PDZD2: variants seen among roughly 807,000 people sequenced by gnomAD.
PDZD2 encodes PDZ domain containing 2.
A neutral mutation model predicts 220.7 loss-of-function variants in PDZD2; 90 were observed. The ratio of observed to expected loss-of-function variants is 0.41; its 90% CI spans 0.34 to 0.49. The LOEUF is 0.49. PDZD2 is among the 20% of genes least tolerant of loss of function. The probability of loss-of-function intolerance (pLI) is 0.28; values close to 1 mark genes in which losing one functional copy is unlikely to be tolerated. For missense variants in PDZD2, 3,174 were observed against 3,608.5 expected, an observed-to-expected ratio of 0.88 and a Z score of 3.08; for synonymous variants, 1,375 against 1,450.5, an observed-to-expected ratio of 0.95 and a Z score of 1.18.
At chr5:31,765,901 G>A (rs906460823) in intron 1 of PDZD2, among the ~76,000 whole-genome samples, 11 of 152,192 alleles carry the variant, frequency 7.2e-5, no homozygotes, top group African/African-American at 2.2e-4. Context: ...ACCAGGCGTG[G>A]TGGCTCATGC....
chr5:32,027,539 C>T (rs1754766082), intron 6 of PDZD2, among the ~76,000 whole-genome samples: 1 of 152,152 alleles, frequency 6.6e-6, no homozygotes, highest in East Asian at 1.9e-4. Flanking sequence ...GCATCAGTTG[C>T]GGCTCCCCCC....
chr5:31,687,316 T>TA (rs1746913508), intron 1 of PDZD2, among the ~76,000 whole-genome samples: 1 of 152,180 alleles, frequency 6.6e-6, no homozygotes, highest in Non-Finnish European at 1.5e-5. Context: ...TATCTATTTT[T>TA]AAAAAATAAA....
chr5:31,784,388 T>A (rs79010275), intron 1 of PDZD2, among the ~76,000 whole-genome samples: 5,207 of 152,252 alleles, frequency 0.034, 280 homozygotes, highest in African/African-American at 0.12. Context: ...GGATAGCCAG[T>A]CTCCAAGTTT....
At chr5:31,827,348 G>T (rs114489823) in intron 2 of PDZD2, among the ~76,000 whole-genome samples, 67 of 152,278 alleles carry the variant, frequency 4.4e-4, no homozygotes, top group Non-Finnish European at 8.5e-4. Flanking sequence ...GCGTAATTGT[G>T]ATTAATAACG....
At chr5:32,040,350 T>C (rs62361267) in intron 7 of PDZD2, among the ~76,000 whole-genome samples, 1 of 143,992 alleles carries the variant, frequency 6.9e-6, no homozygotes, top group African/African-American at 2.6e-5. Flanking sequence ...GAGGAGCCCC[T>C]CTGCCTGGCC....
At chr5:31,776,284 G>T (rs938090370) in intron 1 of PDZD2, among the ~76,000 whole-genome samples, 1 of 151,820 alleles carries the variant, frequency 6.6e-6, no homozygotes, top group Non-Finnish European at 1.5e-5. Context: ...CAAGATGCCA[G>T]CCCCTTCCCC....
chr5:31,878,623 G>C (rs1209449528), intron 2 of PDZD2, among the ~76,000 whole-genome samples: 1 of 134,936 alleles, frequency 7.4e-6, no homozygotes, highest in African/African-American at 2.7e-5. Flanking sequence ...GCAGTGGCGC[G>C]ATCTCGGCTC....
intron 15 of PDZD2, among the ~76,000 whole-genome samples, chr5:32,070,069 C>G (rs540246528): frequency 1.3e-5 from 2 of 152,174 alleles, no homozygotes; most frequent in East Asian, 3.9e-4. Flanking sequence ...ATAGAGGTAG[C>G]AAAAATCATG....
intron 6 of PDZD2, among the ~76,000 whole-genome samples, chr5:32,028,146 A>T (rs1754818686): frequency 6.6e-6 from 1 of 152,208 alleles, no homozygotes; most frequent in South Asian, 2.1e-4. Flanking sequence ...GCACAAAGGA[A>T]ACAGCTGGAG....
intron 2 of PDZD2, among the ~76,000 whole-genome samples, chr5:31,951,339 T>C (rs1417334237): frequency 6.6e-6 from 1 of 152,146 alleles, no homozygotes; most frequent in Admixed American, 6.5e-5. Flanking sequence ...AAATAGTGGA[T>C]CTACAGGGTT....
At chr5:32,032,417 G>A (rs191130196) in intron 6 of PDZD2, among the ~76,000 whole-genome samples, 1 of 152,226 alleles carries the variant, frequency 6.6e-6, no homozygotes, top group East Asian at 1.9e-4. Flanking sequence ...TCACTCTCTC[G>A]GTCGTTCCTT....
intron 1 of PDZD2, among the ~76,000 whole-genome samples, chr5:31,740,363 CA>C (rs58267641): frequency 0.45 from 47,590 of 105,874 alleles, 8,180 homozygotes; most frequent in East Asian, 0.69. Flanking sequence ...TACTAAAAAT[CA>C]AAAAAAAAAA....
intron 19 of PDZD2, among the ~76,000 whole-genome samples, chr5:32,085,376 T>C (rs1188575894): frequency 6.7e-6 from 1 of 150,256 alleles, no homozygotes; most frequent in South Asian, 2.1e-4. Flanking sequence ...TCACATCAAA[T>C]GTATCATGTC....
intron 24 of PDZD2, among the ~76,000 whole-genome samples, chr5:32,101,845 T>C (rs937828521): frequency 1.3e-5 from 2 of 152,228 alleles, no homozygotes; most frequent in Non-Finnish European, 2.9e-5. Context: ...CAAAATCTTA[T>C]ATTAACTCAT....
intron 2 of PDZD2, among the ~76,000 whole-genome samples, chr5:31,931,794 G>A (rs979378211): frequency 3.9e-5 from 6 of 152,232 alleles, no homozygotes; most frequent in Middle Eastern, 3.4e-3. Context: ...ATACAATGAA[G>A]GCCCCAGAGC....
In PDZD2 at chr5:32,110,637, G is replaced by A. The variant is rs777628272; in HGVS notation, c.*2502G>A. On this transcript the variant is annotated 3_prime_UTR_variant, in exon 25 of 25. Transcript: ENST00000438447. ...AAATATGTGTTATAACAAGTAAACC[G>A]TAGTTGCAAGAATATACCATGAAGA... The A allele has an allele frequency of 6.6e-5, 10 of 152,630 alleles. No homozygotes were observed. The highest frequency in any genetic ancestry group is 3.4e-3 in the Middle Eastern group (1 of 292). 9.5% of individuals were successfully genotyped at this position (152,630 alleles called of 1,614,324 possible). A position where few individuals can be genotyped will look rare whatever the true frequency, so the allele number is the denominator to read the frequency against.
chr5:31,777,828 G>A (rs1261379862), intron 1 of PDZD2, among the ~76,000 whole-genome samples: 1 of 148,546 alleles, frequency 6.7e-6, no homozygotes, highest in Non-Finnish European at 1.5e-5. Flanking sequence ...AGCTAATCTG[G>A]TGGGGACTTG....
At chr5:31,923,522 A>G (rs1209392058) in intron 2 of PDZD2, 2 of 904,212 alleles carry the variant, frequency 2.2e-6, no homozygotes, top group Non-Finnish European at 3.7e-6. Context: ...TTCTGAGCCT[A>G]CTTTGGGGAT....
At chr5:31,692,015 T>C (rs1428485441) in intron 1 of PDZD2, among the ~76,000 whole-genome samples, 1 of 152,208 alleles carries the variant, frequency 6.6e-6, no homozygotes, top group African/African-American at 2.4e-5. Flanking sequence ...TGCACCCGCA[T>C]TCCTCAGCCC....
Sources: gnomAD v4.1 joint callset for allele counts (sites outside exome capture counted in the v4.1 genomes callset) on GRCh38, gnomAD v4.1.1 for gene constraint, MANE v1.5 for transcripts, NCBI Gene and HGNC (gene_info 2026-07-23, HGNC 2026-07-21) for gene names.